The following DRGX variants were observed in gnomAD, a reference collection of about 807,000 sequenced individuals.
DRGX encodes the protein dorsal root ganglia homeobox.
In DRGX, 21 loss-of-function variants were observed where a neutral mutation model predicts 28.6. That is an observed-to-expected ratio of 0.73 (90% confidence interval 0.52 to 1.06). The LOEUF is 1.06. DRGX is among the 50% of genes least tolerant of loss of function. DRGX has a pLI of 0.00. For missense variants in DRGX, 354 were observed against 343.9 expected (o/e 1.03, Z -0.23); for synonymous variants, 136 against 139.1 (o/e 0.98, Z 0.16).
In DRGX at chr10:49,384,890, A is replaced by G. The variant is rs145570795; in HGVS notation, c.526+1588T>C. Among the ~76,000 whole-genome samples, 55 of 152,304 alleles carry G rather than the reference A, an allele frequency of 3.6e-4. No homozygotes were observed. The East Asian group carries it at 0.01, about 29-fold the overall frequency. On this transcript the variant is annotated intron_variant, in intron 6 of 6. Coordinates refer to ENST00000374139, the MANE Select transcript of DRGX (RefSeq NM_001276451.2). The stretch of plus-strand genomic sequence containing the variant: ...ACGCCGTGGGAATCACTTCCTATTC[A>G]TGAGGCCAGAGTAGGGCGAGCGACC...
intron 2 of DRGX, 31 bp downstream of exon 2, chr10:49,395,376 A>G: frequency 1.3e-6 from 2 of 1,548,082 alleles, no homozygotes; most frequent in Non-Finnish European, 8.7e-7. Context: ...CTCTGGCTTC[A>G]TGGAGACCCT....
At chr10:49,384,911 C>A (rs191307137) in intron 6 of DRGX, among the ~76,000 whole-genome samples, 1 of 152,276 alleles carries the variant, frequency 6.6e-6, no homozygotes, top group South Asian at 2.1e-4. Context: ...GTAGGGCGAG[C>A]GACCCTCATT....
rs1308311779 is a variant in DRGX, at chr10:49,365,932, G to A, written c.*184C>T. Reference sequence around the variant, plus strand: ...AAGCCAGGACAACACTGCCGCACTGGTGGGACTCCAGAGGGACGCTCCAGG... The same window carrying A: ...AAGCCAGGACAACACTGCCGCACTGATGGGACTCCAGAGGGACGCTCCAGG... On this transcript the variant is annotated 3_prime_UTR_variant, in exon 7 of 7. Coordinates refer to ENST00000374139, the MANE Select transcript of DRGX (RefSeq NM_001276451.2). The A allele has an allele frequency of 5.0e-6, 3 of 604,494 alleles. No individual in the cohort carries two copies. The highest frequency in any genetic ancestry group is 5.1e-6 in the Non-Finnish European group (2 of 390,100). The allele number at this position is 604,494 out of a possible 1,614,324, so 37.4% of individuals were successfully genotyped here.
At chr10:49,394,557 T>C (rs774880852) in intron 2 of DRGX, among the ~76,000 whole-genome samples, 4 of 152,220 alleles carry the variant, frequency 2.6e-5, no homozygotes, top group South Asian at 2.1e-4. Context: ...CAGTGTGGCA[T>C]TGGCTCACCT....
At chr10:49,369,137 C>T (rs1849628837) in intron 6 of DRGX, among the ~76,000 whole-genome samples, 1 of 152,194 alleles carries the variant, frequency 6.6e-6, no homozygotes, top group African/African-American at 2.4e-5. Context: ...TGCCCTGGAG[C>T]CATAGCCTAC....
At chr10:49,390,074 C>A in intron 4 of DRGX, 59 bp downstream of exon 4, 1 of 1,506,138 alleles carries the variant, frequency 6.6e-7, no homozygotes, top group South Asian at 1.3e-5. Flanking sequence ...GTCATGATGT[C>A]AAAAAAAAGT....
At chr10:49,373,913 T>C (rs900753950) in intron 6 of DRGX, among the ~76,000 whole-genome samples, 1 of 152,148 alleles carries the variant, frequency 6.6e-6, no homozygotes, top group Admixed American at 6.5e-5. Flanking sequence ...TACTTAGAAA[T>C]AGAAAAATGT....
At chr10:49,386,052 A>G (rs147264714) in intron 6 of DRGX, among the ~76,000 whole-genome samples, 2 of 152,026 alleles carry the variant, frequency 1.3e-5, no homozygotes, top group Non-Finnish European at 2.9e-5. Flanking sequence ...AACGGCTCAG[A>G]CCTCTGGCAT....
intron 2 of DRGX, among the ~76,000 whole-genome samples, chr10:49,393,627 G>A (rs1451486990): frequency 6.6e-6 from 1 of 152,046 alleles, no homozygotes; most frequent in Non-Finnish European, 1.5e-5. Context: ...ATATTCCAAG[G>A]GTCTGTTCTC....
chr10:49,375,707 C>T (rs982914235), intron 6 of DRGX, among the ~76,000 whole-genome samples: 5 of 152,134 alleles, frequency 3.3e-5, no homozygotes, highest in Non-Finnish European at 7.3e-5. Context: ...AGGGCCAGTG[C>T]ACATGTTCTT....
chr10:49,395,191 G>C (rs149664326), intron 2 of DRGX, among the ~76,000 whole-genome samples: 2,001 of 152,286 alleles, frequency 0.013, 19 homozygotes, highest in Non-Finnish European at 0.02. Flanking sequence ...TGGCCCAGGC[G>C]GGGAGGGAGC....
At chr10:49,385,367 C>T (rs1198412804) in intron 6 of DRGX, among the ~76,000 whole-genome samples, 1 of 152,184 alleles carries the variant, frequency 6.6e-6, no homozygotes, top group African/African-American at 2.4e-5. Flanking sequence ...CATCCAGGGC[C>T]ATCAAGCTCT....
In DRGX at chr10:49,366,391, G is replaced by A. The variant is rs771084075; in HGVS notation, c.527-10C>T. The A allele has an allele frequency of 1.3e-6, 2 of 1,589,568 alleles. No homozygotes were observed. The highest frequency in any genetic ancestry group is 1.7e-6 in the Non-Finnish European group (2 of 1,164,472). ...GAGCACAGTGGGCCCCCTGGAAAAG[G>A]AAAAACAACAGGCTCCCATCACTGT... On this transcript the variant is annotated splice_polypyrimidine_tract_variant and intron_variant, in intron 6 of 6. Transcript: ENST00000374139.
chr10:49,369,479 A>G (rs1457339285), intron 6 of DRGX, among the ~76,000 whole-genome samples: 1 of 152,230 alleles, frequency 6.6e-6, no homozygotes. Flanking sequence ...ACAGTATGCT[A>G]AGTGAAATAA....
chr10:49,381,968 A>G (rs1315973768), intron 6 of DRGX, among the ~76,000 whole-genome samples: 3 of 152,148 alleles, frequency 2.0e-5, no homozygotes, highest in Admixed American at 6.5e-5. Flanking sequence ...GCAAGCTGCC[A>G]CGGGCTTGGA....
intron 6 of DRGX, among the ~76,000 whole-genome samples, chr10:49,376,084 T>A (rs963184634): frequency 1.3e-5 from 2 of 152,116 alleles, no homozygotes; most frequent in African/African-American, 4.8e-5. Flanking sequence ...TGTAGGGGGC[T>A]GGAAGGTTGC....
At chr10:49,373,616 G>A (rs1242993585) in intron 6 of DRGX, among the ~76,000 whole-genome samples, 3 of 152,104 alleles carry the variant, frequency 2.0e-5, no homozygotes, top group Non-Finnish European at 4.4e-5. Flanking sequence ...CACTATACAA[G>A]GACACAGCAA....
At chr10:49,379,504 C>T (rs571895346) in intron 6 of DRGX, among the ~76,000 whole-genome samples, 2 of 152,224 alleles carry the variant, frequency 1.3e-5, no homozygotes, top group Admixed American at 1.3e-4. Context: ...TTTTGGGGGG[C>T]CTCAGAGGAG....
chr10:49,390,235 C>A lies in DRGX; in HGVS notation c.133-1G>T. The A allele has an allele frequency of 1.2e-6, 2 of 1,606,558 alleles. No individual in the cohort carries two copies. Among genetic ancestry groups the A allele is most frequent in the East Asian group, 2.2e-5 (1 of 44,740 alleles). On this transcript the variant is annotated splice_acceptor_variant, in intron 3 of 6. Coordinates refer to ENST00000374139, the MANE Select transcript of DRGX (RefSeq NM_001276451.2). LOFTEE classifies it high-confidence loss of function. Reference sequence around the variant, plus strand: ...CAAAAACGGCCTCGAGAGCTTCCAGCTGGTAAAAGGAAAAAATATGTACTG... The same window carrying A: ...CAAAAACGGCCTCGAGAGCTTCCAGATGGTAAAAGGAAAAAATATGTACTG...
Sources: allele counts gnomAD v4.1 joint callset (sites outside exome capture counted in the v4.1 genomes callset), GRCh38; gene constraint gnomAD v4.1.1; transcripts MANE v1.5; gene names NCBI Gene and HGNC (gene_info 2026-07-23, HGNC 2026-07-21).